Variants in GALNTL5 observed in about 807,000 individuals in gnomAD.
The protein encoded by GALNTL5 is polypeptide N-acetylgalactosaminyltransferase like 5.
In GALNTL5, 44 loss-of-function variants were observed where a neutral mutation model predicts 51.0. The observed-to-expected ratio is 0.86, with a 90% CI of 0.68 to 1.11. The LOEUF (loss-of-function observed/expected upper bound fraction) is 1.11. Among genes scored for constraint, GALNTL5 ranks in the 50% least tolerant of loss-of-function variants. The pLI is 0.00. For synonymous variants in GALNTL5, 192 were observed against 182.8 expected, an observed-to-expected ratio of 1.05 and a Z score of -0.41; for missense variants, 528 against 531.8, an observed-to-expected ratio of 0.99 and a Z score of 0.07.
intron 5 of GALNTL5, among the ~76,000 whole-genome samples, chr7:151,994,730 C>T (rs2081472957): frequency 6.6e-6 from 1 of 150,796 alleles, no homozygotes; most frequent in African/African-American, 2.4e-5. Context: ...ATAGCAGACT[C>T]CTATCCCTCT....
intron 3 of GALNTL5, among the ~76,000 whole-genome samples, chr7:151,982,411 T>C (rs1326244474): frequency 6.6e-6 from 1 of 152,100 alleles, no homozygotes; most frequent in Non-Finnish European, 1.5e-5. Flanking sequence ...TGAAACTCCA[T>C]CTCAAAAAGA....
intron 1 of GALNTL5, among the ~76,000 whole-genome samples, chr7:151,964,102 G>T (rs1337286462): frequency 6.6e-6 from 1 of 152,162 alleles, no homozygotes; most frequent in Non-Finnish European, 1.5e-5. Context: ...GGGCTTGCAG[G>T]TGGTTGCCTT....
intron 6 of GALNTL5, among the ~76,000 whole-genome samples, chr7:152,007,475 G>C (rs2081661280): frequency 1.5e-5 from 2 of 132,132 alleles, no homozygotes; most frequent in Non-Finnish European, 3.1e-5. Flanking sequence ...CTGGAGTGCT[G>C]TGGCACGATC....
chr7:151,970,590 T>G (rs990809808), intron 2 of GALNTL5: 2 of 200,522 alleles, frequency 1.0e-5, no homozygotes, highest in East Asian at 1.7e-4. Context: ...CGCTCCTTGC[T>G]CCCTCTCTCA....
intron 1 of GALNTL5, among the ~76,000 whole-genome samples, chr7:151,958,174 G>C (rs894856915): frequency 6.6e-6 from 1 of 152,140 alleles, no homozygotes; most frequent in Non-Finnish European, 1.5e-5. Context: ...GGCAGCACCC[G>C]TCCTTGGGCC....
intron 3 of GALNTL5, among the ~76,000 whole-genome samples, chr7:151,971,587 G>C (rs1236911853): frequency 6.6e-6 from 1 of 151,950 alleles, no homozygotes. Flanking sequence ...TGCAGCCATC[G>C]ATACCATCCA....
chr7:151,997,713 AG>A (rs1215070747), intron 5 of GALNTL5, among the ~76,000 whole-genome samples: 2 of 152,198 alleles, frequency 1.3e-5, no homozygotes, highest in Admixed American at 1.3e-4. Context: ...TTCAATATTA[AG>A]GGTACAAGTG....
intron 6 of GALNTL5, among the ~76,000 whole-genome samples, chr7:152,004,908 A>G (rs1185141128): frequency 1.3e-5 from 2 of 152,228 alleles, no homozygotes; most frequent in Non-Finnish European, 2.9e-5. Flanking sequence ...GTGCTGTGAT[A>G]AACATACAAT....
intron 5 of GALNTL5, among the ~76,000 whole-genome samples, chr7:151,991,870 G>A (rs2081432480): frequency 1.3e-5 from 2 of 152,104 alleles, no homozygotes; most frequent in African/African-American, 4.8e-5. Context: ...AGATTAAAAT[G>A]GGAAAGAATT....
In GALNTL5 at chr7:152,007,856, C is replaced by T. The variant is rs1447323711; in HGVS notation, c.938C>T (p.Ala313Val). The T allele has an allele frequency of 1.2e-6, 2 of 1,611,146 alleles. No individual in the cohort carries two copies. Among genetic ancestry groups the T allele is most frequent in the Middle Eastern group, 1.7e-4 (1 of 6,054 alleles). Residue 313 changes from alanine to valine, a missense_variant, in exon 7 of 9, where the codon GCT (alanine) becomes GTT (valine). Transcript: ENST00000392800. ...CCTGCAATGTCTGGAGGAATTTTTG[C>T]TATACGTCGGCATTATTTTAATGAA... is the stretch of plus-strand genomic sequence containing the variant. ...RSPAMSGGIF[A>V]IRRHYFNEIG...
intron 5 of GALNTL5, among the ~76,000 whole-genome samples, chr7:151,991,299 G>A (rs758410440): frequency 1.1e-4 from 16 of 152,130 alleles, no homozygotes; most frequent in Non-Finnish European, 2.1e-4. Flanking sequence ...CGCCATGTTG[G>A]TCAGGCTGGT....
intron 3 of GALNTL5, among the ~76,000 whole-genome samples, chr7:151,980,763 T>TG (rs2081269778): frequency 1.1e-5 from 1 of 92,500 alleles, no homozygotes; most frequent in Admixed American, 1.3e-4. Flanking sequence ...TTTTTTTTTT[T>TG]GAGATGGAGT....
chr7:151,999,339 T>A (rs6945967), intron 5 of GALNTL5, among the ~76,000 whole-genome samples: 1 of 151,952 alleles, frequency 6.6e-6, no homozygotes, highest in Non-Finnish European at 1.5e-5. Flanking sequence ...CATGCACATA[T>A]ATACATTTGT....
intron 3 of GALNTL5, among the ~76,000 whole-genome samples, chr7:151,979,946 C>T (rs1403834278): frequency 6.6e-6 from 1 of 152,236 alleles, no homozygotes; most frequent in African/African-American, 2.4e-5. Context: ...CTGACTATAA[C>T]ATCAGAGATG....
intron 5 of GALNTL5, 92 bp downstream of exon 5, chr7:151,987,373 C>A: frequency 9.1e-7 from 1 of 1,093,468 alleles, no homozygotes; most frequent in Non-Finnish European, 1.3e-6. Context: ...CCTTCTATGT[C>A]TGTGTCTGCT....
At chr7:151,976,572 T>A (rs1346400408) in intron 3 of GALNTL5, among the ~76,000 whole-genome samples, 2 of 152,214 alleles carry the variant, frequency 1.3e-5, no homozygotes, top group Admixed American at 6.5e-5. Context: ...TTTTTAATCA[T>A]GTTTTTCAAG....
At chr7:151,998,171 TC>T (rs1183542132) in intron 5 of GALNTL5, among the ~76,000 whole-genome samples, 1 of 152,140 alleles carries the variant, frequency 6.6e-6, no homozygotes, top group Non-Finnish European at 1.5e-5. Context: ...ATAGCACCAC[TC>T]CACTCCAGCC....
chr7:151,959,772 G>A (rs1007426994), intron 1 of GALNTL5, among the ~76,000 whole-genome samples: 1 of 152,160 alleles, frequency 6.6e-6, no homozygotes, highest in Admixed American at 6.5e-5. Flanking sequence ...TGATCTGGTG[G>A]CCAGGAGGGT....
At chr7:151,988,948 C>T (rs1303616326) in intron 5 of GALNTL5, among the ~76,000 whole-genome samples, 4 of 152,032 alleles carry the variant, frequency 2.6e-5, no homozygotes, top group African/African-American at 4.8e-5. Flanking sequence ...GATCTGCCCA[C>T]CTCGGCTTCC....
Sources: gnomAD v4.1 joint callset for allele counts (sites outside exome capture counted in the v4.1 genomes callset) on GRCh38, gnomAD v4.1.1 for gene constraint, MANE v1.5 for transcripts, NCBI Gene and HGNC (gene_info 2026-07-23, HGNC 2026-07-21) for gene names.